MIOS: variants seen among roughly 807,000 people sequenced by gnomAD.
MIOS encodes GATOR2 complex protein MIOS.
A neutral mutation model predicts 96.9 loss-of-function variants in MIOS; 52 were observed. That is an observed-to-expected ratio of 0.54 (90% CI 0.43 to 0.68). MIOS has a LOEUF of 0.68. Among genes scored for constraint, MIOS ranks in the 30% least tolerant of loss-of-function variants. MIOS has a pLI of 0.00. For missense variants in MIOS, 1,005 were observed against 1,052.8 expected, an observed-to-expected ratio of 0.95 and a Z score of 0.63; for synonymous variants, 397 against 359.5, an observed-to-expected ratio of 1.10 and a Z score of -1.18.
In MIOS at chr7:7,592,664, TA is replaced by T. The variant is rs536132166; in HGVS notation, c.2044-2314del. 3.1e-3 allele frequency among the ~76,000 whole-genome samples: 470 copies of T among 152,018 alleles called. 2 individuals carry two copies. Among genetic ancestry groups the T allele is most frequent in the African/African-American group, 0.011 (440 of 41,458 alleles). On this transcript the variant is annotated intron_variant, in intron 9 of 12. Transcript: ENST00000340080. ...CAGATCATCAGGCATTAGATTCTCA[TA>T]AGGAGTATGCAGCCTAGATCCCTCA...
intron 6 of MIOS, among the ~76,000 whole-genome samples, chr7:7,584,623 T>C (rs1316267960): frequency 6.6e-6 from 1 of 152,158 alleles, no homozygotes; most frequent in African/African-American, 2.4e-5. Context: ...GGAAAGTGTT[T>C]ATAGAAATGA....
intron 11 of MIOS, among the ~76,000 whole-genome samples, chr7:7,604,321 C>G (rs1563048872): frequency 6.6e-6 from 1 of 152,120 alleles, no homozygotes; most frequent in Non-Finnish European, 1.5e-5. Flanking sequence ...CTTTGTGATT[C>G]AAATAGCTGG....
rs1783405522 is a variant in MIOS, at chr7:7,573,008, T to G, written c.533T>G (p.Leu178Arg). 6.2e-7 allele frequency: 1 copy of G among 1,614,062 alleles called. No homozygotes were observed. The highest frequency in any genetic ancestry group is 1.1e-5 in the South Asian group (1 of 91,060). ...TETTLLVTKP[L>R]YELGQNDACL... ...ACAACATTATTAGTAACAAAACCAC[T>G]TTATGAGTTAGGACAGAATGATGCT... The change falls in exon 4 of 13, where the codon CTT becomes CGT. Residue 178 changes from leucine to arginine, a missense_variant. Physicochemically the swap from Leu to Arg is moderately radical, Grantham distance 102. Transcript: ENST00000340080. This position sits in a 1 kb window ranked among gnomAD's most constrained non-coding sequence, Gnocchi z 5.0.
intron 5 of MIOS, chr7:7,582,789 G>A (rs895003845): frequency 3.6e-6 from 1 of 276,784 alleles, no homozygotes; most frequent in African/African-American, 2.3e-5. Context: ...CACATATTAA[G>A]TGCTAAAGGA....
At chr7:7,582,390 G>A (rs1168726864) in intron 5 of MIOS, among the ~76,000 whole-genome samples, 1 of 151,824 alleles carries the variant, frequency 6.6e-6, no homozygotes, top group Non-Finnish European at 1.5e-5. Context: ...ACTTTATTTG[G>A]CACTAAGTAT....
intron 5 of MIOS, among the ~76,000 whole-genome samples, chr7:7,579,111 A>G (rs989939018): frequency 5.9e-5 from 9 of 152,214 alleles, no homozygotes; most frequent in Admixed American, 5.9e-4. Flanking sequence ...AATTTAGGAG[A>G]TAAAATTTTG....
intron 9 of MIOS, 79 bp from the exon 10 acceptor site, chr7:7,594,901 A>T: frequency 8.8e-7 from 1 of 1,138,352 alleles, no homozygotes; most frequent in South Asian, 2.1e-5. Flanking sequence ...TGTGTTACTC[A>T]TACTTACATG....
At chr7:7,587,000 T>A (rs577835837) in intron 7 of MIOS, among the ~76,000 whole-genome samples, 1 of 148,782 alleles carries the variant, frequency 6.7e-6, no homozygotes, top group Non-Finnish European at 1.5e-5. Flanking sequence ...TTTTTTTTTT[T>A]TTTTTTTTGT....
chr7:7,605,830 C>A, intron 11 of MIOS, 112 bp from the exon 12 acceptor site: 1 of 1,078,008 alleles, frequency 9.3e-7, no homozygotes, highest in Non-Finnish European at 1.3e-6. Flanking sequence ...ATTGCTATTT[C>A]AATATGATGT....
At position 7,606,056 on chromosome 7, in the gene MIOS, T is replaced by C. The variant is rs535330461; in HGVS notation, c.2516T>C (p.Met839Thr). The C allele has an allele frequency of 1.9e-5, 30 of 1,613,798 alleles. No homozygotes were observed. The South Asian group carries it at 1.9e-4, about 10-fold the overall frequency. ...NCRHGGHAGH[M>T]LSWFRDHAEC... ...AGGCACGGTGGACATGCTGGACATA[T>C]GCTTAGTTGGTTCAGGTAATCAGCA... Residue 839 changes from methionine to threonine, a missense_variant, in exon 12 of 13, where the codon ATG (methionine) becomes ACG (threonine). Transcript: ENST00000340080.
intron 9 of MIOS, among the ~76,000 whole-genome samples, chr7:7,591,513 C>G (rs1209681755): frequency 6.6e-6 from 1 of 152,018 alleles, no homozygotes; most frequent in Non-Finnish European, 1.5e-5. Context: ...CTCCTGACCT[C>G]AAGTGATCTG....
chr7:7,591,251 G>T (rs1300381992), intron 9 of MIOS, among the ~76,000 whole-genome samples: 3 of 148,188 alleles, frequency 2.0e-5, no homozygotes, highest in African/African-American at 7.4e-5. Context: ...AGAATCAGCT[G>T]TTCTTATGCT....
At chr7:7,579,687 A>C (rs747198127) in intron 5 of MIOS, among the ~76,000 whole-genome samples, 6 of 152,184 alleles carry the variant, frequency 3.9e-5, no homozygotes, top group African/African-American at 7.2e-5. Context: ...CCAAAATCTC[A>C]TAATGTTTTA....
chr7:7,601,379 A>T (rs1784374063), intron 11 of MIOS, among the ~76,000 whole-genome samples: 2 of 152,174 alleles, frequency 1.3e-5, no homozygotes, highest in South Asian at 4.1e-4. Context: ...ATAAAAAATG[A>T]CAAAGGGGAT....
chr7:7,587,405 C>T (rs962286359), intron 7 of MIOS, among the ~76,000 whole-genome samples: 16 of 151,978 alleles, frequency 1.1e-4, no homozygotes, highest in Non-Finnish European at 2.2e-4. Flanking sequence ...CAAGCTGTTT[C>T]ATTTATGTAT....
intron 12 of MIOS, 96 bp downstream of exon 12, chr7:7,606,167 A>G: frequency 6.8e-7 from 1 of 1,475,478 alleles, no homozygotes; most frequent in Non-Finnish European, 9.2e-7. Flanking sequence ...GCATTTAGCC[A>G]AAGTATGAAT....
chr7:7,595,946 A>G (rs17168810), intron 10 of MIOS, among the ~76,000 whole-genome samples: 3,292 of 152,240 alleles, frequency 0.022, 98 homozygotes, highest in African/African-American at 0.075. Context: ...TCATATTGGG[A>G]TATTTTGTAA....
intron 9 of MIOS, among the ~76,000 whole-genome samples, 180 bp from the exon 10 acceptor site, chr7:7,594,800 T>G (rs1238454637): frequency 6.7e-6 from 1 of 150,220 alleles, no homozygotes; most frequent in Non-Finnish European, 1.5e-5. Context: ...GGAACCCAGC[T>G]TGAGATAAAT....
At chr7:7,579,529 A>G (rs998586365) in intron 5 of MIOS, among the ~76,000 whole-genome samples, 2 of 152,222 alleles carry the variant, frequency 1.3e-5, no homozygotes, top group Non-Finnish European at 2.9e-5. Flanking sequence ...AGTTGCCTGC[A>G]GTATTCAGTA....
Sources: allele counts gnomAD v4.1 joint callset (sites outside exome capture counted in the v4.1 genomes callset), GRCh38; gene constraint gnomAD v4.1.1; non-coding constraint Gnocchi (gnomAD v3.1); transcripts MANE v1.5; gene names NCBI Gene and HGNC (gene_info 2026-07-23, HGNC 2026-07-21).